The following CDC42 variants were observed in gnomAD, a reference collection of about 807,000 sequenced individuals.
The protein encoded by CDC42 is cell division control protein 42 homolog.
A neutral mutation model predicts 20.8 loss-of-function variants in CDC42; 1 was observed. The observed-to-expected ratio is 0.05, with a 90% confidence interval of 0.02 to 0.23. The LOEUF is 0.23. Ranked by LOEUF, CDC42 falls within the 10% of genes least tolerant of loss-of-function variation. The probability of loss-of-function intolerance (pLI) is 1.00; values close to 1 mark genes in which losing one functional copy is unlikely to be tolerated. For missense variants in CDC42, 49 were observed against 227.9 expected (o/e 0.21, Z 5.05); for synonymous variants, 72 against 84.8 (o/e 0.85, Z 0.83).
At chr1:22,086,111 G>T (rs1233610830) in intron 3 of CDC42, among the ~76,000 whole-genome samples, 2 of 152,198 alleles carry the variant, frequency 1.3e-5, no homozygotes, top group African/African-American at 4.8e-5. Flanking sequence ...CTCCCAAAGT[G>T]CTGGGATTAC....
chr1:22,088,409 T>C (rs373454882), intron 5 of CDC42, among the ~76,000 whole-genome samples: 1 of 152,236 alleles, frequency 6.6e-6, no homozygotes, highest in East Asian at 1.9e-4. Context: ...GTGTATATAG[T>C]AAATCCGTTT....
At chr1:22,085,348 A>T (rs1434591047) in intron 3 of CDC42, among the ~76,000 whole-genome samples, 1 of 151,584 alleles carries the variant, frequency 6.6e-6, no homozygotes, top group East Asian at 1.9e-4. Context: ...CACTGTTTTG[A>T]TTATTGTAGC....
At chr1:22,057,720 C>CT (rs550501057) in intron 1 of CDC42, among the ~76,000 whole-genome samples, 11 of 147,750 alleles carry the variant, frequency 7.4e-5, no homozygotes, top group South Asian at 4.3e-4. Context: ...ATTGCTTTAC[C>CT]TTTTTTTTTT....
In CDC42 at chr1:22,096,737, G is replaced by T. The variant is rs1645761145; in HGVS notation, c.*5220G>T. 6.6e-6 allele frequency among the ~76,000 whole-genome samples: 1 copy of T among 152,216 alleles called. No individual in the cohort carries two copies. The highest frequency in any genetic ancestry group is 2.1e-4 in the South Asian group (1 of 4,834). On this transcript the variant is annotated 3_prime_UTR_variant, in exon 6 of 6. Transcript: ENST00000656825. ...ACTGCCCAGGCCACACAGAGCCTTT[G>T]TGCAAATTAGAAAAGGCCCTTCCAA...
At chr1:22,063,321 A>G (rs1308666724) in intron 1 of CDC42, among the ~76,000 whole-genome samples, 2 of 152,088 alleles carry the variant, frequency 1.3e-5, no homozygotes, top group East Asian at 1.9e-4. Flanking sequence ...AAAGTATACT[A>G]GATGATGTAT....
chr1:22,070,805 A>G (rs1276754275), intron 1 of CDC42, among the ~76,000 whole-genome samples: 2 of 151,726 alleles, frequency 1.3e-5, no homozygotes, highest in Non-Finnish European at 2.9e-5. Context: ...CTAGCCTATC[A>G]GGACAAATAC....
intron 1 of CDC42, among the ~76,000 whole-genome samples, chr1:22,053,637 C>T (rs534644205): frequency 1.3e-5 from 2 of 152,234 alleles, no homozygotes; most frequent in South Asian, 2.1e-4. Flanking sequence ...TGGAAGATTA[C>T]GTCATCGCGG....
rs1262247418 is a variant in CDC42 at position 22,096,627 on chromosome 1, A to G, written c.*5110A>G. ...AAGGACTTTGGTCTCAATAGCCTACAGGGTGCTTCATCCACTCACTGTATT... is the reference window on the plus strand; with the variant it reads ...AAGGACTTTGGTCTCAATAGCCTACGGGGTGCTTCATCCACTCACTGTATT... On this transcript the variant is annotated 3_prime_UTR_variant, in exon 6 of 6. Coordinates refer to ENST00000656825, the MANE Select transcript of CDC42 (RefSeq NM_001791.4). 6.6e-6 allele frequency among the ~76,000 whole-genome samples: 1 copy of G among 152,230 alleles called. No homozygotes were observed. The highest frequency in any genetic ancestry group is 1.9e-4 in the East Asian group (1 of 5,194).
chr1:22,072,660 G>A (rs1323271051), intron 1 of CDC42, among the ~76,000 whole-genome samples: 1 of 151,992 alleles, frequency 6.6e-6, no homozygotes, highest in Non-Finnish European at 1.5e-5. Context: ...TGCCTTTCTG[G>A]TGACCAGCCC....
chr1:22,068,450 T>G (rs1645447863), intron 1 of CDC42: 1 of 153,216 alleles, frequency 6.5e-6, no homozygotes, highest in African/African-American at 2.4e-5. Context: ...TTTCCTGTTG[T>G]CCCCACCAAG....
At chr1:22,061,022 A>G (rs1401763919) in intron 1 of CDC42, among the ~76,000 whole-genome samples, 1 of 152,178 alleles carries the variant, frequency 6.6e-6, no homozygotes, top group African/African-American at 2.4e-5. Context: ...AGTAAAGATG[A>G]GGGTAGGGGA....
At chr1:22,085,778 A>T (rs1191321465) in intron 3 of CDC42, among the ~76,000 whole-genome samples, 1 of 152,134 alleles carries the variant, frequency 6.6e-6, no homozygotes, top group African/African-American at 2.4e-5. Context: ...TGTAGTCATG[A>T]TGGGCAGTGG....
intron 5 of CDC42, among the ~76,000 whole-genome samples, chr1:22,087,214 T>C (rs1645670121): frequency 6.6e-6 from 1 of 152,172 alleles, no homozygotes; most frequent in Non-Finnish European, 1.5e-5. Flanking sequence ...AATTTTCATC[T>C]GAATATGTCT....
chr1:22,078,676 G>A (rs1307263718), intron 2 of CDC42, 93 bp downstream of exon 2: 5 of 1,531,532 alleles, frequency 3.3e-6, no homozygotes, highest in Non-Finnish European at 4.4e-6. Flanking sequence ...ATTTTTTTCT[G>A]TTGTCTGCCT....
At chr1:22,064,584 C>A (rs1030046718) in intron 1 of CDC42, among the ~76,000 whole-genome samples, 1 of 152,134 alleles carries the variant, frequency 6.6e-6, no homozygotes, top group Non-Finnish European at 1.5e-5. Context: ...AGCCACTGCG[C>A]CTGGCCTTGT....
At chr1:22,062,290 C>A (rs1199157801) in intron 1 of CDC42, among the ~76,000 whole-genome samples, 1 of 152,170 alleles carries the variant, frequency 6.6e-6, no homozygotes, top group Non-Finnish European at 1.5e-5. Context: ...GTTTGAGAAT[C>A]TGAATGTAGG....
At chr1:22,070,608 C>T (rs941958926) in intron 1 of CDC42, among the ~76,000 whole-genome samples, 3 of 151,818 alleles carry the variant, frequency 2.0e-5, no homozygotes, top group Admixed American at 6.6e-5. Flanking sequence ...GGACTACAGG[C>T]GTCCACCACC....
intron 5 of CDC42, chr1:22,090,161 A>G: frequency 7.2e-7 from 1 of 1,389,582 alleles, no homozygotes; most frequent in South Asian, 1.8e-5. Flanking sequence ...ACCTTAGAGC[A>G]ACCTCTGTAT....
Position 22,097,129 on chromosome 1 carries a change from T to TAG in CDC42, c.*5614_*5615dup, listed in dbSNP as rs1645763180. Among the ~76,000 whole-genome samples, 2 of 152,252 alleles carry TAG rather than the reference T, an allele frequency of 1.3e-5. No homozygotes were observed. ...CATGGTGAGGAAAGGTGAGGACATT[T>TAG]AGATGACCTTTGCCTGTCACCACAC... On this transcript the variant is annotated 3_prime_UTR_variant, in exon 6 of 6. Coordinates refer to ENST00000656825, the MANE Select transcript of CDC42 (RefSeq NM_001791.4).
Sources: allele counts gnomAD v4.1 joint callset (sites outside exome capture counted in the v4.1 genomes callset), GRCh38; gene constraint gnomAD v4.1.1; transcripts MANE v1.5; gene names NCBI Gene and HGNC (gene_info 2026-07-23, HGNC 2026-07-21).